The following PHC1 variants were observed in gnomAD, a reference collection of about 807,000 sequenced individuals.
PHC1 encodes the protein polyhomeotic homolog 1.
In PHC1, 12 loss-of-function variants were observed where a neutral mutation model predicts 104.3. The ratio of observed to expected loss-of-function variants is 0.12; its 90% CI spans 0.07 to 0.19. The LOEUF is 0.19. Ranked by LOEUF, PHC1 falls within the 10% of genes least tolerant of loss-of-function variation. The pLI is 1.00. For synonymous variants in PHC1, 302 were observed against 455.8 expected (o/e 0.66, Z 4.30); for missense variants, 671 against 1,200.0 (o/e 0.56, Z 6.51).
intron 10 of PHC1, among the ~76,000 whole-genome samples, chr12:8,934,692 C>A (rs1024689478): frequency 1.7e-4 from 26 of 152,032 alleles, no homozygotes; most frequent in African/African-American, 6.3e-4. Flanking sequence ...AAGAAAGTAA[C>A]CTTTAAAACT....
At chr12:8,936,588 C>T (rs1299893620) in intron 11 of PHC1, among the ~76,000 whole-genome samples, 1 of 152,078 alleles carries the variant, frequency 6.6e-6, no homozygotes, top group Non-Finnish European at 1.5e-5. Flanking sequence ...TATCTGAAAT[C>T]TAAGAGTATG....
At chr12:8,915,540 G>A (rs1945177361) in intron 1 of PHC1, among the ~76,000 whole-genome samples, 1 of 152,068 alleles carries the variant, frequency 6.6e-6, no homozygotes. Context: ...AGGTCTGTGC[G>A]CCTACCCAAC....
At position 8,917,628 on chromosome 12, in the gene PHC1, A is replaced by T; in HGVS notation, c.-48-2A>T. The T allele has an allele frequency of 1.2e-6, 1 of 831,202 alleles. No homozygotes were observed. The highest frequency in any genetic ancestry group is 1.8e-6 in the Non-Finnish European group (1 of 541,588). 51.5% of individuals were successfully genotyped at this position (831,202 alleles called of 1,614,324 possible). A position where few individuals can be genotyped will look rare whatever the true frequency, so the allele number is the denominator to read the frequency against. ...TTTTAACCTTTTACTGCTTCCCTCT[A>T]GGTCTTGAGTCAGACAGAGCACCAG... On this transcript the variant is annotated splice_acceptor_variant, in intron 1 of 14. Transcript: ENST00000544916. LOFTEE classifies it low-confidence loss of function (5UTR_SPLICE).
Position 8,930,941 on chromosome 12 carries a change from C to T in PHC1, c.1105+14C>T, listed in dbSNP as rs1945666040. ...TTATTAGCTCAGGTAAATTGTCATTCCTCATGTCATTATTCTCTCAGAATT... is the reference window on the plus strand; with the variant it reads ...TTATTAGCTCAGGTAAATTGTCATTTCTCATGTCATTATTCTCTCAGAATT... On this transcript the variant is annotated intron_variant, in intron 7 of 14. Transcript: ENST00000544916. 6.3e-7 allele frequency: 1 copy of T among 1,594,216 alleles called. No homozygotes were observed. The highest frequency in any genetic ancestry group is 1.3e-5 in the African/African-American group (1 of 74,514).
At chr12:8,924,628 TAGAG>T (rs1476559520) in intron 6 of PHC1, among the ~76,000 whole-genome samples, 1 of 152,148 alleles carries the variant, frequency 6.6e-6, no homozygotes, top group Non-Finnish European at 1.5e-5. Flanking sequence ...AGAAGAAAAC[TAGAG>T]AGAGAACAGC....
In PHC1 at chr12:8,934,348, C is replaced by T. The variant is rs373875447; in HGVS notation, c.2123C>T (p.Pro708Leu). Residue 708 changes from proline to leucine, a missense_variant, in exon 10 of 15, where the codon CCG becomes CTG. Physicochemically the swap from Pro to Leu is moderately conservative, Grantham distance 98 (BLOSUM62 -3). Around this residue, in one of 9 missense-constraint regions of PHC1, gnomAD observed 29 missense variants for 78.0 expected, o/e 0.37. Coordinates refer to ENST00000544916, the MANE Select transcript of PHC1 (RefSeq NM_004426.3). ...GCCTTGACCCCCGCCCCTTCAGTAC[C>T]GCCTCCTACACTAGCCATGGTGTCT... is the stretch of plus-strand genomic sequence containing the variant. ...LVALTPAPSVPPPTLAMVSRQ... is the reference protein window; with the variant it reads ...LVALTPAPSVLPPTLAMVSRQ... The T allele has an allele frequency of 8.1e-6, 13 of 1,613,886 alleles. No homozygotes were observed. The highest frequency in any genetic ancestry group is 2.7e-5 in the African/African-American group (2 of 74,904).
In PHC1 at chr12:8,937,191, T is replaced by C; in HGVS notation, c.2493T>C (p.Cys831=). Residue 831 remains cysteine, a synonymous_variant, in exon 13 of 15, where the codon TGT becomes TGC. Coordinates refer to ENST00000544916, the MANE Select transcript of PHC1 (RefSeq NM_004426.3). ...TGTCCTGTAGGTACAATGTGAGCTGTAGCCATCAGTTCCGGCTGAAGAGGA... is the reference window on the plus strand; with the variant it reads ...TGTCCTGTAGGTACAATGTGAGCTGCAGCCATCAGTTCCGGCTGAAGAGGA... ...MTCAKRYNVS[C]SHQFRLKRKK... 1.2e-6 allele frequency: 2 copies of C among 1,611,998 alleles called. No homozygotes were observed. Among genetic ancestry groups the C allele is most frequent in the Non-Finnish European group, 1.7e-6 (2 of 1,178,940 alleles).
At chr12:8,930,333 T>C (rs944998744) in intron 6 of PHC1, 102 bp from the exon 7 acceptor site, 16 of 1,495,716 alleles carry the variant, frequency 1.1e-5, no homozygotes, top group Non-Finnish European at 1.4e-5. Context: ...AGCTGAGGTA[T>C]TCTGTGGAAT....
rs113443511 is a variant in PHC1, at chr12:8,928,898, A to G, written c.613-1537A>G. Among the ~76,000 whole-genome samples the G allele has an allele frequency of 3.2e-3, 482 of 152,262 alleles. 1 individual carries two copies. Among genetic ancestry groups the G allele is most frequent in the Admixed American group, 5.2e-3 (79 of 15,296 alleles). On this transcript the variant is annotated intron_variant, in intron 6 of 14. Coordinates refer to ENST00000544916, the MANE Select transcript of PHC1 (RefSeq NM_004426.3). ...AATTGTAGTTTCTATATACTATTCCATTGTATGAATATACTATAGTTTATT... is the reference window on the plus strand; with the variant it reads ...AATTGTAGTTTCTATATACTATTCCGTTGTATGAATATACTATAGTTTATT...
rs750945641 is a variant in PHC1 at position 8,920,662 on chromosome 12, C to G, written c.226-323C>G. ...GGCGGAGGTTGCAGTGAGCGGAGAT[C>G]ATGCCACTGCACTCCAGCCTGGGTG... On this transcript the variant is annotated intron_variant, in intron 3 of 14. Transcript: ENST00000544916. Among the ~76,000 whole-genome samples the G allele has an allele frequency of 4.9e-3, 742 of 152,280 alleles. 6 individuals are homozygous for G. The highest frequency in any genetic ancestry group is 0.017 in the African/African-American group (714 of 41,560).
chr12:8,917,703 C>G lies in PHC1; in HGVS notation c.26C>G (p.Ser9Cys). METESEQN[S>C]NSTNGSSSSG... is the part of the protein sequence containing the mutation. The stretch of plus-strand genomic sequence containing the variant: ...ATGGAGACTGAGAGCGAGCAGAACT[C>G]CAATTCCACCAATGGGAGTTCTAGC... Residue 9 changes from serine (S) to cysteine (C), a missense_variant, in exon 2 of 15, where the codon TCC becomes TGC. Physicochemically the swap from Ser to Cys is moderately radical, Grantham distance 112 (BLOSUM62 -1). This residue lies in a region of PHC1 where 237 missense variants were observed against 331.1 expected (regional missense o/e 0.72). Transcript: ENST00000544916. The G allele has an allele frequency of 1.3e-6, 2 of 1,568,126 alleles. No homozygotes were observed. The highest frequency in any genetic ancestry group is 1.7e-6 in the Non-Finnish European group (2 of 1,160,516).
At chr12:8,937,367 TC>T in intron 13 of PHC1, 41 bp downstream of exon 13, 1 of 1,517,664 alleles carries the variant, frequency 6.6e-7, no homozygotes, top group South Asian at 1.3e-5. Context: ...TTAAACTGGG[TC>T]TTTTTTTCTT....
intron 10 of PHC1, 146 bp from the exon 11 acceptor site, chr12:8,934,978 T>C: frequency 1.8e-6 from 1 of 561,682 alleles, no homozygotes; most frequent in Non-Finnish European, 3.2e-6. Flanking sequence ...TTGATTACCG[T>C]ATTGAAAGTG....
intron 11 of PHC1, among the ~76,000 whole-genome samples, chr12:8,935,751 T>C (rs1383743347): frequency 6.6e-6 from 1 of 152,016 alleles, no homozygotes; most frequent in Non-Finnish European, 1.5e-5. Context: ...AAAGTAATCT[T>C]TTGAATTATT....
Position 8,930,531 on chromosome 12 carries a change from G to A in PHC1, c.709G>A (p.Val237Ile). ...GGCCATTCCTCCAGGAGCCTCCCCT[G>A]TCTCTAGCCTCTCCCAGGCCTCTAG... ...QKAIPPGASP[V>I]SSLSQASSQA... Residue 237 changes from valine to isoleucine, a missense_variant, in exon 7 of 15, where the codon GTC (valine) becomes ATC (isoleucine). Physicochemically the swap from Val to Ile is conservative, Grantham distance 29. Coordinates refer to ENST00000544916, the MANE Select transcript of PHC1 (RefSeq NM_004426.3). 1 of 1,558,254 alleles carries A rather than the reference G, an allele frequency of 6.4e-7. No homozygotes were observed.
chr12:8,937,245 C>A lies in PHC1; in HGVS notation c.2547C>A (p.Asn849Lys), dbSNP rs1945864123. Reference sequence around the variant, plus strand: ...AAATGAAAGAGTTTCAAGAAGCCAACTATGCTCGCGTTCGCAGGCGTGGAC... The same window carrying A: ...AAATGAAAGAGTTTCAAGAAGCCAAATATGCTCGCGTTCGCAGGCGTGGAC... ...RKKMKEFQEA[N>K]YARVRRRGPR... The change falls in exon 13 of 15, where the codon AAC becomes AAA. Residue 849 changes from asparagine to lysine, a missense_variant. Asn to Lys is a moderately conservative substitution (Grantham distance 94, BLOSUM62 0). Coordinates refer to ENST00000544916, the MANE Select transcript of PHC1 (RefSeq NM_004426.3). The A allele has an allele frequency of 1.1e-5, 18 of 1,613,326 alleles. No individual in the cohort carries two copies. The highest frequency in any genetic ancestry group is 1.3e-5 in the Non-Finnish European group (15 of 1,179,520).
At position 8,935,127 on chromosome 12, in the gene PHC1, G is replaced by A; in HGVS notation, c.2257G>A (p.Gly753Ser). Residue 753 changes from glycine (G) to serine (S), a missense_variant, in exon 11 of 15, where the codon GGT becomes AGT. Around this residue, in one of 9 missense-constraint regions of PHC1, gnomAD observed 192 missense variants for 280.5 expected, o/e 0.68. Transcript: ENST00000544916. ...CTCTCAATGTTTTCTGGGACAGGTGGGTTGTTCTCAGTTACTGAAGGAGTC... is the reference window on the plus strand; with the variant it reads ...CTCTCAATGTTTTCTGGGACAGGTGAGTTGTTCTCAGTTACTGAAGGAGTC... ...IQEGAEPFPV[G>S]CSQLLKESEK... is the part of the protein sequence containing the mutation. 1 of 1,543,472 alleles carries A rather than the reference G, an allele frequency of 6.5e-7. No homozygotes were observed. Among genetic ancestry groups the A allele is most frequent in the Non-Finnish European group, 8.9e-7 (1 of 1,126,858 alleles).
At chr12:8,926,974 G>A (rs1592198305) in intron 6 of PHC1, among the ~76,000 whole-genome samples, 1 of 152,158 alleles carries the variant, frequency 6.6e-6, no homozygotes, top group South Asian at 2.1e-4. Flanking sequence ...TTAATATGGG[G>A]CCCTGAGGTA....
rs1945301183 is a variant in PHC1, at chr12:8,919,652, G to T, written c.115-104G>T. On this transcript the variant is annotated intron_variant, in intron 2 of 14. Transcript: ENST00000544916. This position sits in a 1 kb window ranked among gnomAD's most constrained non-coding sequence, Gnocchi z 4.9. Reference sequence around the variant, plus strand: ...TTAGCCCAAACTCCCATCTCCTCTGGTTTCTGTCCTTCCCATGGCCCCCTT... The same window carrying T: ...TTAGCCCAAACTCCCATCTCCTCTGTTTTCTGTCCTTCCCATGGCCCCCTT... 2 of 1,182,550 alleles carry T rather than the reference G, an allele frequency of 1.7e-6. No individual in the cohort carries two copies. The highest frequency in any genetic ancestry group is 2.6e-5 in the East Asian group (1 of 38,868). 73.3% of individuals were successfully genotyped at this position (1,182,550 alleles called of 1,614,324 possible). A position where few individuals can be genotyped will look rare whatever the true frequency, so the allele number is the denominator to read the frequency against.
Sources: allele counts gnomAD v4.1 joint callset (sites outside exome capture counted in the v4.1 genomes callset), GRCh38; gene constraint gnomAD v4.1.1; regional missense constraint gnomAD v4.1.1; non-coding constraint Gnocchi (gnomAD v3.1); transcripts MANE v1.5; gene names NCBI Gene and HGNC (gene_info 2026-07-23, HGNC 2026-07-21).